NDUFS2: variants seen among roughly 807,000 people sequenced by gnomAD.
NDUFS2 encodes NADH dehydrogenase [ubiquinone] iron-sulfur protein 2, mitochondrial.
A neutral mutation model predicts 69.6 loss-of-function variants in NDUFS2; 38 were observed. The observed-to-expected ratio is 0.55, with a 90% CI of 0.42 to 0.72. The LOEUF (loss-of-function observed/expected upper bound fraction) is 0.72, where lower values mean the gene tolerates loss of function less well. Ranked by LOEUF, NDUFS2 falls within the 30% of genes least tolerant of loss-of-function variation. The pLI is 0.00. For synonymous variants in NDUFS2, 194 were observed against 211.2 expected (o/e 0.92, Z 0.70); for missense variants, 468 against 595.0 (o/e 0.79, Z 2.22).
upstream of NDUFS2, chr1:161,198,907 T>A: frequency 2.5e-6 from 1 of 399,988 alleles, no homozygotes; most frequent in Non-Finnish European, 4.5e-6. This position sits in a 1 kb window ranked among gnomAD's most constrained non-coding sequence, Gnocchi z 4.7. Context: ...CTGCAGCTTC[T>A]CTGGCCTCTC....
chr1:161,214,070 C>T (rs576914578), intron 13 of NDUFS2, 86 bp from the exon 14 acceptor site: 1 of 1,613,504 alleles, frequency 6.2e-7, no homozygotes, highest in South Asian at 1.1e-5. Flanking sequence ...GGTTCTGGAT[C>T]TTGGGTAACA....
chr1:161,204,657 C>T lies in NDUFS2; in HGVS notation c.202+1114C>T, dbSNP rs540741344. On this transcript the variant is annotated intron_variant, in intron 2 of 13. Coordinates refer to ENST00000676972, the MANE Select transcript of NDUFS2 (RefSeq NM_001377299.1). ...TTCCACAAACTTACAGTAACAATAG[C>T]TGAGTGCTTACCATTTGCCAAACAT... Among the ~76,000 whole-genome samples the T allele has an allele frequency of 5.3e-5, 8 of 152,286 alleles. 1 individual carries two copies. Among genetic ancestry groups the T allele is most frequent in the Admixed American group, 5.2e-4 (8 of 15,286 alleles).
At chr1:161,198,983 T>A, upstream of NDUFS2, 1 of 236,554 alleles carries the variant, frequency 4.2e-6, no homozygotes. This position sits in a 1 kb window ranked among gnomAD's most constrained non-coding sequence, Gnocchi z 4.7. Flanking sequence ...CCGCTGTGCC[T>A]TTGTCTCTGT....
At chr1:161,197,959 A>C, upstream of NDUFS2, 1 of 1,520,484 alleles carries the variant, frequency 6.6e-7, no homozygotes, top group African/African-American at 1.4e-5. Context: ...ACATGGCGGG[A>C]GGACACCGCA....
Position 161,214,212 on chromosome 1 carries a change from AT to A in NDUFS2, c.*20del, listed in dbSNP as rs1665928116. The A allele has an allele frequency of 1.2e-6, 2 of 1,603,602 alleles. No homozygotes were observed. The highest frequency in any genetic ancestry group is 8.5e-7 in the Non-Finnish European group (1 of 1,171,436). On this transcript the variant is annotated 3_prime_UTR_variant, in exon 14 of 14. Transcript: ENST00000676972. ...TCGGTGAGCAGGGGAGCAGCGTTTGATCCCCCCTGCCTATCAGCTTCTTCTG... is the reference window on the plus strand; with the variant it reads ...TCGGTGAGCAGGGGAGCAGCGTTTGACCCCCCTGCCTATCAGCTTCTTCTG...
intron 3 of NDUFS2, among the ~76,000 whole-genome samples, chr1:161,208,791 A>G (rs900985879): frequency 7.9e-5 from 12 of 152,354 alleles, no homozygotes; most frequent in African/African-American, 2.2e-4. Flanking sequence ...TCATCACTTC[A>G]TTATTTTACC....
rs1665682048 is a variant in NDUFS2 at position 161,209,949 on chromosome 1, T to G, written c.702+18T>G. The G allele has an allele frequency of 6.2e-7, 1 of 1,613,076 alleles. No individual in the cohort carries two copies. The highest frequency in any genetic ancestry group is 2.2e-5 in the East Asian group (1 of 44,874). The stretch of plus-strand genomic sequence containing the variant: ...TGCACCAGGTGAGCAGGTCCCCGGC[T>G]TCCCCAAATGTCCAGCCCAGGCCTA... On this transcript the variant is annotated intron_variant, in intron 6 of 13. Transcript: ENST00000676972.
chr1:161,203,860 C>T (rs922821388), intron 2 of NDUFS2: 2 of 385,694 alleles, frequency 5.2e-6, no homozygotes, highest in South Asian at 4.3e-5. Context: ...ACTCAGCCTC[C>T]GAAAGTGCTG....
chr1:161,208,316 T>A (rs893694490), intron 3 of NDUFS2, among the ~76,000 whole-genome samples: 4 of 151,954 alleles, frequency 2.6e-5, no homozygotes, highest in African/African-American at 9.7e-5. Context: ...TTATTATTTT[T>A]TGAGATGGAG....
intron 3 of NDUFS2, among the ~76,000 whole-genome samples, chr1:161,208,747 A>G (rs1665613888): frequency 6.6e-6 from 1 of 152,252 alleles, no homozygotes; most frequent in South Asian, 2.1e-4. Context: ...AATACATTAT[A>G]TTAAAAGCAA....
chr1:161,202,433 G>C lies in NDUFS2; in HGVS notation c.48G>C (p.Gln16His). The change falls in exon 1 of 14, where the codon CAG (glutamine) becomes CAC (histidine). Residue 16 changes from glutamine (Q) to histidine (H), a missense_variant. This residue lies in a region of NDUFS2 where 57 missense variants were observed against 42.3 expected (regional missense o/e 1.35). Transcript: ENST00000676972. ...GCGGCTTCCGGGGCGTCGCGGCCCA[G>C]GTGCTGCGGCCTGGGGCTGGAGTCC... ...ALCGFRGVAA[Q>H]VLRPGAGVRL... The C allele has an allele frequency of 6.2e-7, 1 of 1,612,936 alleles. No homozygotes were observed. Among genetic ancestry groups the C allele is most frequent in the Non-Finnish European group, 8.5e-7 (1 of 1,179,738 alleles).
chr1:161,208,958 A>G (rs1665623707), intron 3 of NDUFS2, among the ~76,000 whole-genome samples: 3 of 152,204 alleles, frequency 2.0e-5, no homozygotes, highest in Non-Finnish European at 1.5e-5. Context: ...TTACCATGGA[A>G]ATTGGCAAAC....
At chr1:161,204,388 C>CT (rs1418585703) in intron 2 of NDUFS2, among the ~76,000 whole-genome samples, 2 of 152,174 alleles carry the variant, frequency 1.3e-5, no homozygotes, top group Non-Finnish European at 2.9e-5. Flanking sequence ...CATGTAGATA[C>CT]TTTCGTAATG....
chr1:161,199,605 TA>T, upstream of NDUFS2: 1 of 151,150 alleles, frequency 6.6e-6, no homozygotes, highest in Non-Finnish European at 1.5e-5. Flanking sequence ...CTGGGAAGAG[TA>T]AAAAAGGCAG....
chr1:161,203,287 C>G, intron 1 of NDUFS2, 150 bp from the exon 2 acceptor site: 1 of 697,324 alleles, frequency 1.4e-6, no homozygotes, highest in Non-Finnish European at 2.5e-6. Flanking sequence ...GTATGGGCAA[C>G]AAGAGTGAAA....
chr1:161,209,658 G>A (rs1665663008), intron 5 of NDUFS2, 63 bp downstream of exon 5: 3 of 1,371,840 alleles, frequency 2.2e-6, no homozygotes, highest in African/African-American at 2.9e-5. Context: ...AAGGTATAAA[G>A]GAGACAGGAG....
In NDUFS2 at chr1:161,209,846, G is replaced by A. The variant is rs370433084; in HGVS notation, c.628-11G>A. ...GGACTTTGACACTAATTCCCAGCAC[G>A]TTCTATGAAGATGTTTGAGTTCTAC... On this transcript the variant is annotated splice_polypyrimidine_tract_variant and intron_variant, in intron 5 of 13. Coordinates refer to ENST00000676972, the MANE Select transcript of NDUFS2 (RefSeq NM_001377299.1). The A allele has an allele frequency of 2.5e-5, 40 of 1,613,502 alleles. No individual in the cohort carries two copies. The African/African-American group carries it at 2.5e-4, about 10-fold the overall frequency.
chr1:161,205,640 C>T (rs1217714547), intron 2 of NDUFS2, among the ~76,000 whole-genome samples: 2 of 151,938 alleles, frequency 1.3e-5, no homozygotes, highest in African/African-American at 2.4e-5. Context: ...TGGTGGTGTG[C>T]GCCTGTAGTC....
chr1:161,206,666 G>T, intron 3 of NDUFS2, 69 bp downstream of exon 3: 1 of 1,539,892 alleles, frequency 6.5e-7, no homozygotes, highest in Non-Finnish European at 8.9e-7. Flanking sequence ...TTGCCAGTTT[G>T]CTGCCCTTAA....
Sources: allele counts gnomAD v4.1 joint callset (sites outside exome capture counted in the v4.1 genomes callset), GRCh38; gene constraint gnomAD v4.1.1; regional missense constraint gnomAD v4.1.1; non-coding constraint Gnocchi (gnomAD v3.1); transcripts MANE v1.5; gene names NCBI Gene and HGNC (gene_info 2026-07-23, HGNC 2026-07-21).